CEP192: variants seen among roughly 807,000 people sequenced by gnomAD.
CEP192 encodes the protein centrosomal protein of 192 kDa.
A neutral mutation model predicts 271.8 loss-of-function variants in CEP192; 151 were observed. That is an observed-to-expected ratio of 0.56 (90% confidence interval 0.49 to 0.64). The LOEUF is 0.64. Ranked by LOEUF, CEP192 falls within the 30% of genes least tolerant of loss-of-function variation. CEP192 has a pLI of 0.00. For synonymous variants in CEP192, 995 were observed against 1,076.5 expected, an observed-to-expected ratio of 0.92 and a Z score of 1.48; for missense variants, 2,910 against 3,020.5, an observed-to-expected ratio of 0.96 and a Z score of 0.86.
chr18:13,008,759 A>G (rs1057012033), intron 4 of CEP192, 128 bp downstream of exon 4: 7 of 685,412 alleles, frequency 1.0e-5, no homozygotes, highest in Admixed American at 6.2e-5. Context: ...GCTGGAGTGC[A>G]GTGGCGTGAT....
intron 32 of CEP192, 123 bp downstream of exon 32, chr18:13,087,769 A>C: frequency 2.3e-6 from 1 of 442,134 alleles, no homozygotes; most frequent in Non-Finnish European, 4.0e-6. Context: ...TAGATGAAAA[A>C]TCTTGGTAGA....
intron 1 of CEP192, among the ~76,000 whole-genome samples, chr18:12,996,126 A>G (rs2033217382): frequency 6.6e-6 from 1 of 151,254 alleles, no homozygotes; most frequent in Non-Finnish European, 1.5e-5. Context: ...TAGGGGAGGC[A>G]GAGAGGAGGC....
Position 13,100,497 on chromosome 18 carries a change from C to G in CEP192, c.6856C>G (p.Pro2286Ala). Reference sequence around the variant, plus strand: ...GAGTATTACTTTTCCTACAACAGAACCTGGTGAAACTTCAGGTATTGTATC... The same window carrying G: ...GAGTATTACTTTTCCTACAACAGAAGCTGGTGAAACTTCAGGTATTGTATC... ...NKSITFPTTE[P>A]GETSESCLEL... The change falls in exon 38 of 45, where the codon CCT (proline) becomes GCT (alanine). Residue 2286 changes from proline (P) to alanine (A), a missense_variant. Coordinates refer to ENST00000506447, the MANE Select transcript of CEP192 (RefSeq NM_032142.4). The G allele has an allele frequency of 6.2e-7, 1 of 1,611,972 alleles. No homozygotes were observed. The highest frequency in any genetic ancestry group is 8.5e-7 in the Non-Finnish European group (1 of 1,178,538).
intron 9 of CEP192, among the ~76,000 whole-genome samples, chr18:13,028,110 G>C (rs1281790766): frequency 1.3e-5 from 2 of 152,094 alleles, no homozygotes; most frequent in East Asian, 1.9e-4. Context: ...CCCGGCTTCT[G>C]CTGGCTCCTG....
chr18:12,993,277 A>G (rs2032993039), intron 1 of CEP192, among the ~76,000 whole-genome samples: 3 of 152,094 alleles, frequency 2.0e-5, no homozygotes, highest in African/African-American at 7.2e-5. Context: ...AAAGGTAACA[A>G]GTTTGGTTTT....
In CEP192 at chr18:13,069,790, A is replaced by G. The variant is rs1568370134; in HGVS notation, c.5108A>G (p.Lys1703Arg). Residue 1703 changes from lysine (K) to arginine (R), a missense_variant, in exon 27 of 45, where the codon AAA becomes AGA. Transcript: ENST00000506447. ...GTGGATCCAAAGAATCTACTCCTTA[A>G]ACCTGGAGAAGAACATGAGGTTATT... Reference protein sequence around the residue: ...FSVDPKNLLLKPGEEHEVIVS... With the variant: ...FSVDPKNLLLRPGEEHEVIVS... The G allele has an allele frequency of 1.9e-6, 3 of 1,603,848 alleles. No individual in the cohort carries two copies. The African/African-American group carries it at 4.0e-5, about 22-fold the overall frequency.
At chr18:13,002,429 A>G (rs945571301) in intron 3 of CEP192, among the ~76,000 whole-genome samples, 1 of 152,162 alleles carries the variant, frequency 6.6e-6, no homozygotes, top group Non-Finnish European at 1.5e-5. Flanking sequence ...GGTCATTTAG[A>G]TTATTGCAGT....
rs992033715 is a variant in CEP192, at chr18:13,099,117, C to T, written c.6558-359C>T. On this transcript the variant is annotated intron_variant, in intron 36 of 44. Coordinates refer to ENST00000506447, the MANE Select transcript of CEP192 (RefSeq NM_032142.4). ...ATCAGGCAGGGAGGTTGCAGTGAGC[C>T]GAGATGGCAGCAGTACAGTCCAGCT... is the stretch of plus-strand genomic sequence containing the variant. Among the ~76,000 whole-genome samples, 11 of 139,810 alleles carry T rather than the reference C, an allele frequency of 7.9e-5. No individual in the cohort carries two copies. In the East Asian group the frequency reaches 1.8e-3, roughly 23 times the overall value. The allele number at this position is 139,810 out of a possible 152,430, so 91.7% of individuals were successfully genotyped here. A position where few individuals can be genotyped will look rare whatever the true frequency, so the allele number is the denominator to read the frequency against.
At chr18:13,009,314 T>C (rs1195025155) in intron 4 of CEP192, among the ~76,000 whole-genome samples, 1 of 152,208 alleles carries the variant, frequency 6.6e-6, no homozygotes, top group Admixed American at 6.5e-5. Context: ...TTGGAAACCA[T>C]GCTGTCGGAT....
chr18:13,037,470 C>T (rs2035978912), intron 12 of CEP192, among the ~76,000 whole-genome samples, 169 bp downstream of exon 12: 1 of 152,146 alleles, frequency 6.6e-6, no homozygotes. Context: ...ATAAAATACT[C>T]TAAATTATTA....
intron 1 of CEP192, among the ~76,000 whole-genome samples, chr18:12,993,879 G>T (rs781365250): frequency 9.2e-5 from 14 of 152,316 alleles, no homozygotes; most frequent in Non-Finnish European, 2.1e-4. Context: ...CAAACTAGGG[G>T]TTATAGATTC....
chr18:13,091,730 T>G (rs1467718849), intron 33 of CEP192, among the ~76,000 whole-genome samples: 2 of 152,214 alleles, frequency 1.3e-5, no homozygotes, highest in South Asian at 2.1e-4. Context: ...ATTTCTTGTT[T>G]ATACAAATTT....
intron 9 of CEP192, among the ~76,000 whole-genome samples, chr18:13,028,582 G>A (rs2035437433): frequency 6.6e-6 from 1 of 152,086 alleles, no homozygotes; most frequent in African/African-American, 2.4e-5. Context: ...TGCAATGGCG[G>A]GTTCTTGGCT....
chr18:13,087,160 C>T lies in CEP192; in HGVS notation c.5760C>T (p.Ser1920=). 2 of 1,614,048 alleles carry T rather than the reference C, an allele frequency of 1.2e-6. No individual in the cohort carries two copies. The highest frequency in any genetic ancestry group is 1.7e-6 in the Non-Finnish European group (2 of 1,179,992). Residue 1920 remains serine, a synonymous_variant, in exon 31 of 45, where the codon TCC becomes TCT. Transcript: ENST00000506447. ...TTTTTTCTGTCCGCAACACTGGCTC[C>T]CGAGCAGCTTTTGTTAAAGCAGTAG... ...KIVFSVRNTG[S]RAAFVKAVGF...
intron 36 of CEP192, among the ~76,000 whole-genome samples, chr18:13,098,873 A>T (rs1481586543): frequency 2.6e-5 from 4 of 152,096 alleles, no homozygotes; most frequent in Non-Finnish European, 4.4e-5. Context: ...ACGCCACTGC[A>T]CTCCAGCCTG....
At chr18:13,032,165 G>A (rs909560014) in intron 11 of CEP192, among the ~76,000 whole-genome samples, 1 of 152,190 alleles carries the variant, frequency 6.6e-6, no homozygotes, top group Non-Finnish European at 1.5e-5. Flanking sequence ...TTCTTAGGAT[G>A]TTGTAGAAAT....
chr18:13,030,532 T>A lies in CEP192; in HGVS notation c.1458T>A (p.Tyr486Ter). 1 of 1,611,910 alleles carries A rather than the reference T, an allele frequency of 6.2e-7. No individual in the cohort carries two copies. Among genetic ancestry groups the A allele is most frequent in the Non-Finnish European group, 8.5e-7 (1 of 1,178,358 alleles). ...EEGRWVTDLA[Y>*]YTSFNSKQNL... ...GTAGGTGGGTCACAGACCTTGCCTA[T>A]TACACATCTTTTAATAGCAAACAAA... Residue 486 changes from tyrosine (Y) to a stop codon, truncating the protein, a stop_gained, in exon 11 of 45, where the codon TAT becomes TAA. Coordinates refer to ENST00000506447, the MANE Select transcript of CEP192 (RefSeq NM_032142.4). LOFTEE classifies it high-confidence loss of function.
At chr18:13,090,637 G>A (rs1169998781) in intron 33 of CEP192, among the ~76,000 whole-genome samples, 2 of 152,140 alleles carry the variant, frequency 1.3e-5, no homozygotes, top group Non-Finnish European at 2.9e-5. Flanking sequence ...GGAAGGCAAG[G>A]ATGAGTTGGT....
intron 39 of CEP192, chr18:13,104,053 G>A (rs911001301): frequency 1.7e-4 from 54 of 320,452 alleles, no homozygotes; most frequent in Non-Finnish European, 1.9e-4. Context: ...GATGATATAT[G>A]CCTAGTCTTT....
Sources: allele counts gnomAD v4.1 joint callset (sites outside exome capture counted in the v4.1 genomes callset), GRCh38; gene constraint gnomAD v4.1.1; transcripts MANE v1.5; gene names NCBI Gene and HGNC (gene_info 2026-07-23, HGNC 2026-07-21).